Variants in TMEM132B observed in about 807,000 individuals in gnomAD.
TMEM132B encodes transmembrane protein 132B.
Under a neutral mutation model 90.8 loss-of-function variants are expected in TMEM132B, and 18 were observed. That is an observed-to-expected ratio of 0.20 (90% CI 0.14 to 0.29). The LOEUF is 0.29. Ranked by LOEUF, TMEM132B falls within the 10% of genes least tolerant of loss-of-function variation. The pLI is 1.00. For synonymous variants in TMEM132B, 504 were observed against 523.3 expected, an observed-to-expected ratio of 0.96 and a Z score of 0.50; for missense variants, 1,096 against 1,326.8, an observed-to-expected ratio of 0.83 and a Z score of 2.70.
chr12:125,315,012 G>A (rs10846870), intron 1 of TMEM132B, among the ~76,000 whole-genome samples: 36,113 of 152,022 alleles, frequency 0.24, 4,430 homozygotes, highest in East Asian at 0.3. Context: ...TCTGCTCTGG[G>A]TTTTTCTTTC....
intron 3 of TMEM132B, among the ~76,000 whole-genome samples, chr12:125,441,638 A>G (rs757949874): frequency 2.6e-5 from 4 of 152,196 alleles, no homozygotes; most frequent in Non-Finnish European, 4.4e-5. Context: ...GAGTAGCCCA[A>G]TGTGTTACAG....
intron 3 of TMEM132B, among the ~76,000 whole-genome samples, chr12:125,439,483 A>G (rs958057676): frequency 6.6e-6 from 1 of 152,048 alleles, no homozygotes; most frequent in Non-Finnish European, 1.5e-5. Context: ...TACTGTTGGT[A>G]TGTAGGAATT....
chr12:125,346,854 CAT>C (rs1593096928), intron 1 of TMEM132B, among the ~76,000 whole-genome samples: 2 of 152,180 alleles, frequency 1.3e-5, no homozygotes, highest in East Asian at 3.8e-4. Context: ...TTTCAATTAA[CAT>C]ATTGTGTTTT....
intron 4 of TMEM132B, among the ~76,000 whole-genome samples, chr12:125,529,113 C>G (rs1011114187): frequency 6.6e-6 from 1 of 151,598 alleles, no homozygotes; most frequent in African/African-American, 2.4e-5. Flanking sequence ...GAGATAAAGC[C>G]TCACTCTGTT....
chr12:125,541,461 C>G (rs1391775454), intron 4 of TMEM132B, among the ~76,000 whole-genome samples: 1 of 152,138 alleles, frequency 6.6e-6, no homozygotes, highest in Non-Finnish European at 1.5e-5. Flanking sequence ...TCTTGGCACA[C>G]AGGATGTGAC....
chr12:125,616,830 G>A (rs1174676130), intron 5 of TMEM132B, among the ~76,000 whole-genome samples: 1 of 152,126 alleles, frequency 6.6e-6, no homozygotes. Flanking sequence ...TCATGAGGAT[G>A]GGACTCTGTG....
intron 1 of TMEM132B, among the ~76,000 whole-genome samples, chr12:125,286,961 C>A (rs562629824): frequency 6.6e-6 from 1 of 151,890 alleles, no homozygotes; most frequent in South Asian, 2.1e-4. Flanking sequence ...CCTCGGCCTC[C>A]CTAAGTGCTG....
In TMEM132B at chr12:125,417,769, C is replaced by T. The variant is rs552238049; in HGVS notation, c.1106+2092C>T. Among the ~76,000 whole-genome samples the T allele has an allele frequency of 3.3e-5, 5 of 152,312 alleles. No individual in the cohort carries two copies. The South Asian group carries it at 1.0e-3, about 32-fold the overall frequency. On this transcript the variant is annotated intron_variant, in intron 3 of 8. Transcript: ENST00000682704. ...GCAGCTCCCAGCAAACATCTGCTAACTTGGTCACTTCAGGGAGAAAGCTGC... is the reference window on the plus strand; with the variant it reads ...GCAGCTCCCAGCAAACATCTGCTAATTTGGTCACTTCAGGGAGAAAGCTGC...
intron 3 of TMEM132B, among the ~76,000 whole-genome samples, chr12:125,441,172 G>A (rs1398065194): frequency 1.3e-5 from 2 of 152,146 alleles, no homozygotes; most frequent in Non-Finnish European, 2.9e-5. Flanking sequence ...AATGTAAAGT[G>A]CTTGCAACAT....
At chr12:125,556,764 C>CT (rs956884424) in intron 4 of TMEM132B, among the ~76,000 whole-genome samples, 59 of 151,950 alleles carry the variant, frequency 3.9e-4, no homozygotes, top group African/African-American at 1.4e-3. Flanking sequence ...ATCTGTGTTC[C>CT]TTTTTTTTGA....
chr12:125,625,857 A>G (rs1422373151), intron 5 of TMEM132B, among the ~76,000 whole-genome samples: 1 of 152,196 alleles, frequency 6.6e-6, no homozygotes, highest in African/African-American at 2.4e-5. Flanking sequence ...ATGAGCTTGT[A>G]GTGTTATCTC....
intron 5 of TMEM132B, chr12:125,586,927 G>T (rs117763502): frequency 6.6e-6 from 1 of 152,238 alleles, no homozygotes; most frequent in East Asian, 1.9e-4. Context: ...CCATGAAATC[G>T]TGATGAAGGA....
At chr12:125,250,549 C>T (rs568525229) in intron 1 of TMEM132B, among the ~76,000 whole-genome samples, 6 of 152,334 alleles carry the variant, frequency 3.9e-5, no homozygotes, top group South Asian at 2.1e-4. Flanking sequence ...ATGGAAACTT[C>T]GCTCAGGCTT....
chr12:125,655,947 G>C lies in TMEM132B; in HGVS notation c.*1237G>C, dbSNP rs1887049987. The C allele has an allele frequency of 6.6e-6, 1 of 152,056 alleles. No homozygotes were observed. The highest frequency in any genetic ancestry group is 1.5e-5 in the Non-Finnish European group (1 of 68,012). The allele number at this position is 152,056 out of a possible 1,614,324, so 9.4% of individuals were successfully genotyped here. ...GGGTGTGCATTTGTGGAGAGAAGCA[G>C]TGGGTTTCCCCCCAAAATCCATACA... On this transcript the variant is annotated 3_prime_UTR_variant, in exon 9 of 9. Coordinates refer to ENST00000682704, the MANE Select transcript of TMEM132B (RefSeq NM_001366854.1).
At chr12:125,338,414 T>A (rs957858302) in intron 1 of TMEM132B, among the ~76,000 whole-genome samples, 1 of 152,212 alleles carries the variant, frequency 6.6e-6, no homozygotes, top group African/African-American at 2.4e-5. Flanking sequence ...TGCCTGACAT[T>A]TCTCTGGAGG....
intron 4 of TMEM132B, among the ~76,000 whole-genome samples, chr12:125,578,139 G>A (rs1009160915): frequency 2.0e-5 from 3 of 152,072 alleles, no homozygotes; most frequent in African/African-American, 7.2e-5. Flanking sequence ...TATTGTTAAA[G>A]TCTTCCTTTT....
chr12:125,356,231 G>A (rs1490293871), intron 2 of TMEM132B, among the ~76,000 whole-genome samples: 2 of 152,142 alleles, frequency 1.3e-5, no homozygotes, highest in Non-Finnish European at 2.9e-5. Context: ...GGAGCCCAGT[G>A]GTTAAGAATG....
intron 1 of TMEM132B, among the ~76,000 whole-genome samples, chr12:125,240,518 C>T (rs1162384269): frequency 6.6e-6 from 1 of 152,084 alleles, no homozygotes; most frequent in African/African-American, 2.4e-5. Context: ...CCCACGTGAG[C>T]AAAACTTCTG....
At chr12:125,591,315 G>C (rs527393543) in intron 5 of TMEM132B, among the ~76,000 whole-genome samples, 2 of 152,180 alleles carry the variant, frequency 1.3e-5, no homozygotes, top group East Asian at 3.9e-4. Context: ...AACTTCTAGA[G>C]GCCATGTGTG....
Sources: allele counts gnomAD v4.1 joint callset (sites outside exome capture counted in the v4.1 genomes callset), GRCh38; gene constraint gnomAD v4.1.1; transcripts MANE v1.5; gene names NCBI Gene and HGNC (gene_info 2026-07-23, HGNC 2026-07-21).